The following SETD2 variants were observed in gnomAD, a reference collection of about 807,000 sequenced individuals.
SETD2 encodes the protein histone-lysine N-methyltransferase SETD2.
Under a neutral mutation model 242.1 loss-of-function variants are expected in SETD2, and 31 were observed. The ratio of observed to expected loss-of-function variants is 0.13; its 90% CI spans 0.10 to 0.17. SETD2 has a LOEUF of 0.17. Ranked by LOEUF, SETD2 falls within the 10% of genes least tolerant of loss-of-function variation. The pLI, the probability that SETD2 is intolerant of heterozygous loss-of-function variation, is 1.00. For synonymous variants in SETD2, 1,006 were observed against 1,066.5 expected, an observed-to-expected ratio of 0.94 and a Z score of 1.11; for missense variants, 2,481 against 3,046.3, an observed-to-expected ratio of 0.81 and a Z score of 4.37.
rs924158634 is a variant in SETD2 at position 47,123,270 on chromosome 3, G to C, written c.1366C>G (p.Arg456Gly). The C allele has an allele frequency of 6.4e-7, 1 of 1,552,358 alleles. No homozygotes were observed. The highest frequency in any genetic ancestry group is 8.7e-7 in the Non-Finnish European group (1 of 1,147,214). Residue 456 changes from arginine to glycine, a missense_variant, in exon 3 of 21, where the codon CGA becomes GGA. By Grantham distance (125) the Arg-to-Gly change is moderately radical. Coordinates refer to ENST00000409792, the MANE Select transcript of SETD2 (RefSeq NM_014159.7). ...TCTTCTTCTGAGTCAGAACTCTCTC[G>C]TGCTCTGTTATCTGTGTATGGCCGA... is the stretch of plus-strand genomic sequence containing the variant. ...YSRPYTDNRA[R>G]ESSDSEEEYK...
intron 12 of SETD2, among the ~76,000 whole-genome samples, chr3:47,070,058 C>G (rs2040753259): frequency 6.6e-6 from 1 of 152,042 alleles, no homozygotes; most frequent in Non-Finnish European, 1.5e-5. Flanking sequence ...ACAATTTTGA[C>G]CTAGTTTCTT....
intron 15 of SETD2, among the ~76,000 whole-genome samples, chr3:47,052,755 G>A (rs1446580335): frequency 6.6e-6 from 1 of 151,960 alleles, no homozygotes; most frequent in Non-Finnish European, 1.5e-5. Context: ...GGCAGAGGTT[G>A]CAATGAGTCG....
At position 47,084,327 on chromosome 3, in the gene SETD2, C is replaced by T. The variant is rs2107640750; in HGVS notation, c.5453G>A (p.Ser1818Asn). 1 of 1,613,804 alleles carries T rather than the reference C, an allele frequency of 6.2e-7. No homozygotes were observed. The highest frequency in any genetic ancestry group is 8.5e-7 in the Non-Finnish European group (1 of 1,179,846). Residue 1818 changes from serine (S) to asparagine (N), a missense_variant, in exon 12 of 21, where the codon AGC becomes AAC. Around this residue, in one of 17 missense-constraint regions of SETD2, gnomAD observed 62 missense variants for 136.7 expected, o/e 0.45. Coordinates refer to ENST00000409792, the MANE Select transcript of SETD2 (RefSeq NM_014159.7). ...PIPTKNMLEE[S>N]KVLPIIQRWS... Reference sequence around the variant, plus strand: ...GCGTTGAATAATTGGAAGTACTTTGCTTTCCTCCAACATATTTTTAGTAGG... The same window carrying T: ...GCGTTGAATAATTGGAAGTACTTTGTTTTCCTCCAACATATTTTTAGTAGG...
chr3:47,106,159 G>A, intron 5 of SETD2, 39 bp from the exon 6 acceptor site: 1 of 1,582,496 alleles, frequency 6.3e-7, no homozygotes, highest in Admixed American at 1.7e-5. Context: ...TTCCTACCTA[G>A]GAGCAGTAGG....
At chr3:47,098,872 G>T (rs1465659388) in intron 8 of SETD2, among the ~76,000 whole-genome samples, 1 of 152,078 alleles carries the variant, frequency 6.6e-6, no homozygotes, top group Non-Finnish European at 1.5e-5. Flanking sequence ...GGCAATTAGA[G>T]GGATAAAAAT....
chr3:47,028,241 C>T (rs2038594942), intron 18 of SETD2, among the ~76,000 whole-genome samples: 1 of 152,096 alleles, frequency 6.6e-6, no homozygotes, highest in African/African-American at 2.4e-5. Context: ...GGCTTTTCTG[C>T]GTGGAGAAAT....
chr3:47,073,826 T>G (rs775469004), intron 12 of SETD2, among the ~76,000 whole-genome samples: 3 of 152,208 alleles, frequency 2.0e-5, no homozygotes, highest in Admixed American at 6.5e-5. Flanking sequence ...AGATAAAACT[T>G]GACAGTACTT....
intron 1 of SETD2, among the ~76,000 whole-genome samples, chr3:47,161,981 G>A (rs1697500698): frequency 6.6e-6 from 1 of 151,170 alleles, no homozygotes; most frequent in Non-Finnish European, 1.5e-5. Context: ...ATCCAAAGCA[G>A]TGGATTTCTA....
At position 47,086,206 on chromosome 3, in the gene SETD2, G is replaced by A; in HGVS notation, c.5386C>T (p.Leu1796Phe). Residue 1796 changes from leucine to phenylalanine, a missense_variant, in exon 11 of 21, where the codon CTT becomes TTT. Coordinates refer to ENST00000409792, the MANE Select transcript of SETD2 (RefSeq NM_014159.7). ...LGDGRESNQK[L>F]QEEIIKTLEH... ...AAATGTGAACTGACCTCTTCCTGAA[G>A]CTTCTGGTTACTTTCCCGGCCGTCA... The A allele has an allele frequency of 1.9e-6, 3 of 1,612,864 alleles. No homozygotes were observed. Among genetic ancestry groups the A allele is most frequent in the Non-Finnish European group, 1.7e-6 (2 of 1,179,158 alleles).
In SETD2 at chr3:47,120,165, G is replaced by GT. The variant is rs2107738651; in HGVS notation, c.4454+16dup. The GT allele has an allele frequency of 1.3e-6, 2 of 1,490,454 alleles. No homozygotes were observed. The highest frequency in any genetic ancestry group is 2.3e-5 in the East Asian group (1 of 43,854). 92.3% of individuals were successfully genotyped at this position (1,490,454 alleles called of 1,614,324 possible). A position where few individuals can be genotyped will look rare whatever the true frequency, so the allele number is the denominator to read the frequency against. On this transcript the variant is annotated intron_variant, in intron 3 of 20. Coordinates refer to ENST00000409792, the MANE Select transcript of SETD2 (RefSeq NM_014159.7). ...AAAAGAGTTAAAATTTGTCAAACAA[G>GT]TATTAATTAGACTTACCTTTCTGTT...
At chr3:47,138,911 C>G (rs968296710) in intron 1 of SETD2, among the ~76,000 whole-genome samples, 1 of 152,144 alleles carries the variant, frequency 6.6e-6, no homozygotes, top group Non-Finnish European at 1.5e-5. Flanking sequence ...ATGGTGGTCT[C>G]TTTTAAGTTC....
At chr3:47,026,468 G>T (rs1333211456) in intron 18 of SETD2, among the ~76,000 whole-genome samples, 3 of 152,164 alleles carry the variant, frequency 2.0e-5, no homozygotes, top group Non-Finnish European at 4.4e-5. Context: ...ATACCACAAG[G>T]ATTATAAATC....
intron 1 of SETD2, among the ~76,000 whole-genome samples, chr3:47,160,670 T>A (rs1697464182): frequency 1.3e-5 from 2 of 152,142 alleles, no homozygotes; most frequent in Non-Finnish European, 2.9e-5. Context: ...AAGGGCAAAA[T>A]TTTGTTTTGT....
intron 1 of SETD2, among the ~76,000 whole-genome samples, chr3:47,157,839 C>T (rs961339595): frequency 6.6e-5 from 10 of 151,310 alleles, no homozygotes; most frequent in African/African-American, 2.4e-4. Flanking sequence ...CGCCACTGTA[C>T]CCCAGCCTGG....
In SETD2 at chr3:47,081,182, T is replaced by C. The variant is rs909155327; in HGVS notation, c.6060+2538A>G. On this transcript the variant is annotated intron_variant, in intron 12 of 20. Coordinates refer to ENST00000409792, the MANE Select transcript of SETD2 (RefSeq NM_014159.7). Reference sequence around the variant, plus strand: ...TTCATTCCCTTCCCTCCCACCCTCTTTCATTTACTGATGATTCCTATAGTC... The same window carrying C: ...TTCATTCCCTTCCCTCCCACCCTCTCTCATTTACTGATGATTCCTATAGTC... 20 of 616,612 alleles carry C rather than the reference T, an allele frequency of 3.2e-5. No individual in the cohort carries two copies. The African/African-American group carries it at 3.8e-4, about 12-fold the overall frequency. 38.2% of individuals were successfully genotyped at this position (616,612 alleles called of 1,614,324 possible).
chr3:47,026,054 C>A (rs2107506886), intron 18 of SETD2, among the ~76,000 whole-genome samples: 1 of 151,844 alleles, frequency 6.6e-6, no homozygotes, highest in Non-Finnish European at 1.5e-5. Flanking sequence ...GCAATCTTTC[C>A]ATCTGACAAA....
At chr3:47,115,657 A>C (rs2042824619) in intron 4 of SETD2, among the ~76,000 whole-genome samples, 1 of 152,124 alleles carries the variant, frequency 6.6e-6, no homozygotes, top group Non-Finnish European at 1.5e-5. Context: ...TGGTTAAAAA[A>C]ATTTTTTTGA....
Position 47,120,319 on chromosome 3 carries a change from G to A in SETD2, c.4317C>T (p.Pro1439=), listed in dbSNP as rs1386245911. The change falls in exon 3 of 21, where the codon CCC becomes CCT. Residue 1439 remains proline, a synonymous_variant. Coordinates refer to ENST00000409792, the MANE Select transcript of SETD2 (RefSeq NM_014159.7). ...AGGGCCCAACCAGTGCTGAACCTGG[G>A]GGCACTGATGTCTCTCCCTGCTCTA... is the stretch of plus-strand genomic sequence containing the variant. ...VEVEQGETSV[P]PGSALVGPSC... 1.2e-6 allele frequency: 2 copies of A among 1,613,888 alleles called. No homozygotes were observed. The highest frequency in any genetic ancestry group is 1.7e-6 in the Non-Finnish European group (2 of 1,179,938).
At chr3:47,030,885 C>T (rs2038734308) in intron 18 of SETD2, among the ~76,000 whole-genome samples, 1 of 152,156 alleles carries the variant, frequency 6.6e-6, no homozygotes, top group Admixed American at 6.6e-5. Context: ...GATAAACAAA[C>T]TGCGGCGCAC....
Sources: allele counts gnomAD v4.1 joint callset (sites outside exome capture counted in the v4.1 genomes callset), GRCh38; gene constraint gnomAD v4.1.1; regional missense constraint gnomAD v4.1.1; transcripts MANE v1.5; gene names NCBI Gene and HGNC (gene_info 2026-07-23, HGNC 2026-07-21).